The following DSC2 variants were observed in gnomAD, a reference collection of about 807,000 sequenced individuals.
DSC2 encodes desmocollin-2.
DSC2 carries 51 observed loss-of-function variants against 87.6 expected under a neutral mutation model. The observed-to-expected ratio is 0.58, with a 90% CI of 0.46 to 0.74. DSC2 has a LOEUF of 0.74. Among genes scored for constraint, DSC2 ranks in the 30% least tolerant of loss-of-function variants. The probability of loss-of-function intolerance (pLI) is 0.00; values close to 1 mark genes in which losing one functional copy is unlikely to be tolerated. For missense variants in DSC2, 1,066 were observed against 1,089.5 expected (o/e 0.98, Z 0.30); for synonymous variants, 383 against 393.2 (o/e 0.97, Z 0.31).
intron 1 of DSC2, 57 bp from the exon 2 acceptor site, chr18:31,093,700 G>A (rs1987678565): frequency 1.1e-6 from 1 of 898,818 alleles, no homozygotes; most frequent in African/African-American, 1.8e-5. Context: ...ACTTTAATGT[G>A]TATATTATTT....
chr18:31,080,282 C>G lies in DSC2; in HGVS notation c.1334G>C (p.Arg445Thr), dbSNP rs1426854628. The G allele has an allele frequency of 6.2e-7, 1 of 1,613,932 alleles. No homozygotes were observed. The highest frequency in any genetic ancestry group is 2.2e-5 in the East Asian group (1 of 44,876). ...IGVVNEAPFS[R>T]EASPRSAMST... is the part of the protein sequence containing the mutation. Reference sequence around the variant, plus strand: ...CATGGCTGATCTTGGACTAGCCTCTCTGGAAAATGGAGCTTCATTAACTAC... The same window carrying G: ...CATGGCTGATCTTGGACTAGCCTCTGTGGAAAATGGAGCTTCATTAACTAC... Residue 445 changes from arginine (R) to threonine (T), a missense_variant, in exon 10 of 16, where the codon AGA becomes ACA. Arg to Thr is a moderately conservative substitution (Grantham distance 71). Transcript: ENST00000280904.
intron 11 of DSC2, among the ~76,000 whole-genome samples, chr18:31,078,919 T>G (rs1332034403): frequency 6.6e-6 from 1 of 152,184 alleles, no homozygotes; most frequent in Non-Finnish European, 1.5e-5. Context: ...TCTCTCAATT[T>G]TATAGAATGC....
intron 12 of DSC2, among the ~76,000 whole-genome samples, chr18:31,074,430 TG>T (rs1986937767): frequency 6.7e-5 from 1 of 15,028 alleles, no homozygotes; most frequent in African/African-American, 2.9e-4. Flanking sequence ...AATGTGTGTG[TG>T]TGTGTGTGTG....
intron 1 of DSC2, among the ~76,000 whole-genome samples, chr18:31,094,873 A>T (rs186475334): frequency 3.9e-5 from 6 of 152,222 alleles, no homozygotes; most frequent in Non-Finnish European, 7.3e-5. Flanking sequence ...GAGTAGAATC[A>T]GATGATTCTG....
At position 31,065,764 on chromosome 18, in the gene DSC2, C is replaced by T. The variant is rs1462175073; in HGVS notation, c.*2251G>A. ...TGTTCTGCTTTTCATCCAATTTGAA[C>T]CTTACAGTTTCACAGTGTTTCAAAC... On this transcript the variant is annotated 3_prime_UTR_variant, in exon 16 of 16. Coordinates refer to ENST00000280904, the MANE Select transcript of DSC2 (RefSeq NM_024422.6). 1 of 152,156 alleles carries T rather than the reference C, an allele frequency of 6.6e-6. No homozygotes were observed. Among genetic ancestry groups the T allele is most frequent in the Non-Finnish European group, 1.5e-5 (1 of 68,038 alleles). 9.4% of individuals were successfully genotyped at this position (152,156 alleles called of 1,614,324 possible).
rs1987170288 is a variant in DSC2 at position 31,080,248 on chromosome 18, TGCTGTGCTCATG to T, written c.1356_1367del (p.Met453_Ala456del). ...GATCTTCTACATTAACAGTAACTGT[TGCTGTGCTCATG>T]GCTGATCTTGGACTAGCCTCTCTGG... is the stretch of plus-strand genomic sequence containing the variant. On this transcript the variant is annotated inframe_deletion, in exon 10 of 16. Transcript: ENST00000280904. The T allele has an allele frequency of 6.2e-7, 1 of 1,613,982 alleles. No homozygotes were observed. The highest frequency in any genetic ancestry group is 1.1e-5 in the South Asian group (1 of 91,080).
Position 31,065,693 on chromosome 18 carries a change from T to A in DSC2, c.*2322A>T, listed in dbSNP as rs1449738901. On this transcript the variant is annotated 3_prime_UTR_variant, in exon 16 of 16. Transcript: ENST00000280904. The stretch of plus-strand genomic sequence containing the variant: ...TGACAGGGAGAATCTAAAATACACA[T>A]AATTTTCATAGGGTGTTAGAATTAG... The A allele has an allele frequency of 6.6e-6, 1 of 152,182 alleles. No individual in the cohort carries two copies. Among genetic ancestry groups the A allele is most frequent in the South Asian group, 2.1e-4 (1 of 4,824 alleles). 9.4% of individuals were successfully genotyped at this position (152,182 alleles called of 1,614,324 possible).
In DSC2 at chr18:31,071,729, T is replaced by G; in HGVS notation, c.2001A>C (p.Thr667=). The change falls in exon 13 of 16, where the codon ACA becomes ACC. Residue 667 remains threonine (T), a synonymous_variant. Transcript: ENST00000280904. ...GMSSVTSLDV[T]LCDCITENDC... ...CATTTTCGGTAATGCAGTCACACAG[T>G]GTAACATCCAATGAAGTGACACTAG... The G allele has an allele frequency of 1.2e-6, 2 of 1,614,028 alleles. No individual in the cohort carries two copies. Among genetic ancestry groups the G allele is most frequent in the Non-Finnish European group, 1.7e-6 (2 of 1,179,978 alleles).
In DSC2 at chr18:31,089,508, A is replaced by G. The variant is rs749063028; in HGVS notation, c.561T>C (p.Tyr187=). The part of the protein sequence containing the change: ...GVDQEPRNLF[Y]VERDTGNLYC... ...ACAAGTTTCCAGTGTCTCTCTCCACATAAAATAAATTCCGAGGTTCTTGGT... is the reference window on the plus strand; with the variant it reads ...ACAAGTTTCCAGTGTCTCTCTCCACGTAAAATAAATTCCGAGGTTCTTGGT... The change falls in exon 5 of 16, where the codon TAT becomes TAC. Residue 187 remains tyrosine (Y), a synonymous_variant. Transcript: ENST00000280904. The G allele has an allele frequency of 8.7e-6, 14 of 1,614,046 alleles. No homozygotes were observed. Among genetic ancestry groups the G allele is most frequent in the African/African-American group, 2.7e-5 (2 of 75,044 alleles).
chr18:31,092,914 T>C (rs765725225), intron 2 of DSC2, among the ~76,000 whole-genome samples: 1 of 152,210 alleles, frequency 6.6e-6, no homozygotes, highest in African/African-American at 2.4e-5. Context: ...TTATCTTTTC[T>C]CTAAAGTAAA....
chr18:31,083,711 T>A (rs775843542), intron 7 of DSC2, among the ~76,000 whole-genome samples: 4 of 152,184 alleles, frequency 2.6e-5, no homozygotes, highest in Non-Finnish European at 4.4e-5. Flanking sequence ...GGTTTTTTTC[T>A]TTCTGTGGAA....
At position 31,065,168 on chromosome 18, in the gene DSC2, G is replaced by A. The variant is rs1986584044; in HGVS notation, c.*2847C>T. 1 of 152,136 alleles carries A rather than the reference G, an allele frequency of 6.6e-6. No individual in the cohort carries two copies. The highest frequency in any genetic ancestry group is 2.4e-5 in the African/African-American group (1 of 41,436). The allele number at this position is 152,136 out of a possible 1,614,324, so 9.4% of individuals were successfully genotyped here. A position where few individuals can be genotyped will look rare whatever the true frequency, so the allele number is the denominator to read the frequency against. ...ATGTAACTTGCTGAATACCACAAAT[G>A]AGAGACCTGGAAGCTACTATGAGCC... On this transcript the variant is annotated 3_prime_UTR_variant, in exon 16 of 16. Coordinates refer to ENST00000280904, the MANE Select transcript of DSC2 (RefSeq NM_024422.6).
chr18:31,073,405 GCA>G (rs1173088718), intron 12 of DSC2, among the ~76,000 whole-genome samples: 4 of 123,748 alleles, frequency 3.2e-5, no homozygotes, highest in African/African-American at 6.1e-5. Flanking sequence ...ACACACACAC[GCA>G]CACACAACAG....
chr18:31,101,575 C>G (rs1712513671), intron 1 of DSC2: 1 of 309,466 alleles, frequency 3.2e-6, no homozygotes, highest in Non-Finnish European at 5.7e-6. Context: ...CCCCGGCGCA[C>G]TCCCGCCCCG....
intron 7 of DSC2, among the ~76,000 whole-genome samples, chr18:31,083,336 C>A (rs78092809): frequency 2.2e-5 from 2 of 89,988 alleles, no homozygotes; most frequent in Non-Finnish European, 5.3e-5. Flanking sequence ...CGGGTTCAAG[C>A]GAGGCAGGAG....
intron 1 of DSC2, among the ~76,000 whole-genome samples, chr18:31,100,355 C>T (rs1033542940): frequency 4.6e-5 from 7 of 152,226 alleles, no homozygotes; most frequent in African/African-American, 1.7e-4. Flanking sequence ...CAATGCCACG[C>T]ATTGCCAGCG....
Position 31,066,957 on chromosome 18 carries a change from C to T in DSC2, c.*1058G>A, listed in dbSNP as rs1451601717. 1 of 152,078 alleles carries T rather than the reference C, an allele frequency of 6.6e-6. No individual in the cohort carries two copies. Among genetic ancestry groups the T allele is most frequent in the African/African-American group, 2.4e-5 (1 of 41,444 alleles). The allele number at this position is 152,078 out of a possible 1,614,324, so 9.4% of individuals were successfully genotyped here. ...TGTGTTGTCATACAGTAAATATCCACATCCCAATTCTAATTACACCATTCT... is the reference window on the plus strand; with the variant it reads ...TGTGTTGTCATACAGTAAATATCCATATCCCAATTCTAATTACACCATTCT... On this transcript the variant is annotated 3_prime_UTR_variant, in exon 16 of 16. Transcript: ENST00000280904.
intron 11 of DSC2, 51 bp downstream of exon 11, chr18:31,079,796 A>C: frequency 6.2e-7 from 1 of 1,606,938 alleles, no homozygotes; most frequent in Middle Eastern, 1.7e-4. Context: ...TAAACACTGA[A>C]GATGTATGTA....
chr18:31,079,963 C>T lies in DSC2; in HGVS notation c.1547G>A (p.Gly516Glu), dbSNP rs1402893994. 5 of 1,613,634 alleles carry T rather than the reference C, an allele frequency of 3.1e-6. No individual in the cohort carries two copies. Among genetic ancestry groups the T allele is most frequent in the Non-Finnish European group, 4.2e-6 (5 of 1,179,892 alleles). ...IRYKKLTDPT[G>E]WVTIDENTGS... is the part of the protein sequence containing the mutation. ...TGTATTTTCATCAATGGTGACCCAC[C>T]CTGTTGGATCAGTTAATTTCTTATA... The change falls in exon 11 of 16, where the codon GGG (glycine) becomes GAG (glutamate). Residue 516 changes from glycine to glutamate, a missense_variant. Coordinates refer to ENST00000280904, the MANE Select transcript of DSC2 (RefSeq NM_024422.6).
Sources: gnomAD v4.1 joint callset for allele counts (sites outside exome capture counted in the v4.1 genomes callset) on GRCh38, gnomAD v4.1.1 for gene constraint, MANE v1.5 for transcripts, NCBI Gene and HGNC (gene_info 2026-07-23, HGNC 2026-07-21) for gene names.